Variants in TBC1D1 observed in about 807,000 individuals in gnomAD.
TBC1D1 encodes the protein TBC1 (tre-2/USP6, BUB2, cdc16) domain family, member 1.
Under a neutral mutation model 125.6 loss-of-function variants are expected in TBC1D1, and 89 were observed. That is an observed-to-expected ratio of 0.71 (90% CI 0.60 to 0.85). The LOEUF (loss-of-function observed/expected upper bound fraction) is 0.85, where lower values mean the gene tolerates loss of function less well. TBC1D1 is among the 40% of genes least tolerant of loss of function. The pLI is 0.00. For missense variants in TBC1D1, 1,377 were observed against 1,469.2 expected, an observed-to-expected ratio of 0.94 and a Z score of 1.03; for synonymous variants, 565 against 564.1, an observed-to-expected ratio of 1.00 and a Z score of -0.02.
intron 16 of TBC1D1, among the ~76,000 whole-genome samples, chr4:38,116,605 A>G (rs1763023999): frequency 6.6e-6 from 1 of 152,174 alleles, no homozygotes; most frequent in Admixed American, 6.5e-5. Flanking sequence ...CCGAGTTCCT[A>G]GTTTCTGAAA....
intron 13 of TBC1D1, among the ~76,000 whole-genome samples, chr4:38,091,574 A>C (rs1320031454): frequency 6.6e-6 from 1 of 152,270 alleles, no homozygotes; most frequent in East Asian, 1.9e-4. Flanking sequence ...TTCATCATGT[A>C]GGTCAAACTT....
chr4:38,007,469 T>C (rs567067592), intron 2 of TBC1D1, among the ~76,000 whole-genome samples: 2 of 152,134 alleles, frequency 1.3e-5, no homozygotes, highest in Admixed American at 1.3e-4. Context: ...GTCAGGCTGG[T>C]CTCGAACTTC....
rs1423299130 is a variant in TBC1D1 at position 37,916,901 on chromosome 4, G to T, written c.417+14389G>T. On this transcript the variant is annotated intron_variant, in intron 2 of 19. Transcript: ENST00000261439. The stretch of plus-strand genomic sequence containing the variant: ...TTCTCCAGCCTCCGCCTCTTGAGTA[G>T]CTGGGATTAGAGGCACATGCTACCA... 3.9e-5 allele frequency among the ~76,000 whole-genome samples: 6 copies of T among 152,042 alleles called. No homozygotes were observed. The East Asian group carries it at 1.2e-3, about 30-fold the overall frequency.
intron 14 of TBC1D1, among the ~76,000 whole-genome samples, chr4:38,102,104 GA>G (rs1161160793): frequency 9.8e-6 from 1 of 101,566 alleles, no homozygotes; most frequent in East Asian, 3.6e-4. Context: ...GGGGTGGGGG[GA>G]GGGGGGAGGG....
At chr4:37,901,157 T>TAAAA (rs1266635456) in intron 1 of TBC1D1, among the ~76,000 whole-genome samples, 3 of 151,920 alleles carry the variant, frequency 2.0e-5, no homozygotes, top group Non-Finnish European at 4.4e-5. Context: ...CGTTTTCTGT[T>TAAAA]TTTTGTTTGT....
intron 1 of TBC1D1, 89 bp downstream of exon 1, chr4:37,891,437 C>G (rs1713215225): frequency 6.6e-6 from 1 of 152,270 alleles, no homozygotes; most frequent in Non-Finnish European, 1.5e-5. Context: ...ACGCCCCTGC[C>G]CCGCCTGGCC....
intron 2 of TBC1D1, among the ~76,000 whole-genome samples, chr4:37,976,397 G>C (rs1405215608): frequency 6.6e-6 from 1 of 152,234 alleles, no homozygotes; most frequent in East Asian, 1.9e-4. Context: ...GTTGTTTGTG[G>C]TTTTAAGCTT....
At chr4:38,044,070 G>A (rs189715282) in intron 8 of TBC1D1, among the ~76,000 whole-genome samples, 8 of 152,338 alleles carry the variant, frequency 5.3e-5, no homozygotes, top group East Asian at 1.9e-4. Flanking sequence ...CGAAGACCAC[G>A]GTTAGTGAAG....
At chr4:37,961,521 A>G (rs1395263827) in intron 2 of TBC1D1, among the ~76,000 whole-genome samples, 1 of 152,254 alleles carries the variant, frequency 6.6e-6, no homozygotes, top group African/African-American at 2.4e-5. Context: ...CTAATGTCTT[A>G]CAACTTAAAG....
intron 6 of TBC1D1, among the ~76,000 whole-genome samples, chr4:38,027,167 C>T (rs2152444912): frequency 1.3e-5 from 2 of 152,296 alleles, no homozygotes; most frequent in Middle Eastern, 3.4e-3. Context: ...GACGTAAGCT[C>T]TCTGGGTCTT....
At chr4:37,940,517 C>A (rs1304622288) in intron 2 of TBC1D1, among the ~76,000 whole-genome samples, 1 of 152,160 alleles carries the variant, frequency 6.6e-6, no homozygotes, top group Non-Finnish European at 1.5e-5. Context: ...CCCTTTATTT[C>A]TTTCTCCTGC....
intron 2 of TBC1D1, 150 bp downstream of exon 2, chr4:37,902,662 G>A: frequency 1.5e-6 from 1 of 657,164 alleles, no homozygotes; most frequent in East Asian, 2.9e-5. Context: ...TTTGTTTTAT[G>A]GTGATAGTTT....
At chr4:37,945,697 T>C (rs934953700) in intron 2 of TBC1D1, among the ~76,000 whole-genome samples, 1 of 152,166 alleles carries the variant, frequency 6.6e-6, no homozygotes, top group Non-Finnish European at 1.5e-5. Context: ...GCAGATCAGA[T>C]ATGCTTATAA....
chr4:37,981,468 GTT>G (rs1734321396), intron 2 of TBC1D1, among the ~76,000 whole-genome samples: 1 of 152,134 alleles, frequency 6.6e-6, no homozygotes, highest in Non-Finnish European at 1.5e-5. Flanking sequence ...GCAGACCCCT[GTT>G]TTCATGGAAT....
At chr4:37,994,269 A>G (rs890421165) in intron 2 of TBC1D1, among the ~76,000 whole-genome samples, 3 of 152,212 alleles carry the variant, frequency 2.0e-5, no homozygotes, top group African/African-American at 7.2e-5. Flanking sequence ...ATATATTCAA[A>G]GTGGAAATCT....
At chr4:38,095,868 G>C (rs749157621) in intron 13 of TBC1D1, 61 bp from the exon 16 acceptor site, 18 of 1,509,032 alleles carry the variant, frequency 1.2e-5, no homozygotes, top group Non-Finnish European at 1.6e-5. Context: ...CAGCCATGTT[G>C]TGTAATGGAA....
At chr4:37,913,841 A>G (rs11096913) in intron 2 of TBC1D1, among the ~76,000 whole-genome samples, 27,193 of 151,174 alleles carry the variant, frequency 0.18, 3,014 homozygotes, top group Middle Eastern at 0.26. Context: ...TCATTCCACT[A>G]AAATTGCTCT....
chr4:38,136,625 G>A (rs1057106741), intron 19 of TBC1D1, among the ~76,000 whole-genome samples: 1 of 152,194 alleles, frequency 6.6e-6, no homozygotes, highest in African/African-American at 2.4e-5. Flanking sequence ...GCCTTCAGGA[G>A]GAAACTGTTT....
chr4:38,121,843 T>A (rs1251811800), intron 17 of TBC1D1, among the ~76,000 whole-genome samples: 3 of 152,176 alleles, frequency 2.0e-5, no homozygotes, highest in Admixed American at 2.0e-4. Flanking sequence ...AAATTAGATG[T>A]GATTTAAAAA....
Sources: allele counts gnomAD v4.1 joint callset (sites outside exome capture counted in the v4.1 genomes callset), GRCh38; gene constraint gnomAD v4.1.1; transcripts MANE v1.5; gene names NCBI Gene and HGNC (gene_info 2026-07-23, HGNC 2026-07-21).